Variants in CFAP46 observed in about 807,000 individuals in gnomAD.
CFAP46 encodes cilia and flagella associated protein 46.
A neutral mutation model predicts 325.7 loss-of-function variants in CFAP46; 245 were observed. The observed-to-expected ratio is 0.75, with a 90% CI of 0.68 to 0.84. The LOEUF (loss-of-function observed/expected upper bound fraction) is 0.84, where lower values mean the gene tolerates loss of function less well. Ranked by LOEUF, CFAP46 falls within the 40% of genes least tolerant of loss-of-function variation. The probability of loss-of-function intolerance (pLI) is 0.00; values close to 1 mark genes in which losing one functional copy is unlikely to be tolerated. For missense variants in CFAP46, 3,346 were observed against 3,543.0 expected (o/e 0.94, Z 1.41); for synonymous variants, 1,523 against 1,495.9 (o/e 1.02, Z -0.42).
intron 39 of CFAP46, among the ~76,000 whole-genome samples, chr10:132,856,389 A>T (rs529958719): frequency 1.3e-5 from 2 of 152,048 alleles, no homozygotes; most frequent in East Asian, 3.9e-4. Context: ...AATTTGGAAA[A>T]TTTTCAGTCA....
chr10:132,909,260 C>A lies in CFAP46; in HGVS notation c.2650-16G>T. 1.3e-6 allele frequency: 2 copies of A among 1,536,046 alleles called. No homozygotes were observed. The highest frequency in any genetic ancestry group is 1.2e-5 in the South Asian group (1 of 83,798). On this transcript the variant is annotated splice_polypyrimidine_tract_variant and intron_variant, in intron 20 of 57. Coordinates refer to ENST00000368586, the MANE Select transcript of CFAP46 (RefSeq NM_001200049.3). ...CATTGGTGCCCTGGTGGGGAGGATGCCCTGAGTGTATCAGCCCAAGCGTGC... is the reference window on the plus strand; with the variant it reads ...CATTGGTGCCCTGGTGGGGAGGATGACCTGAGTGTATCAGCCCAAGCGTGC...
chr10:132,841,179 A>G (rs934350420), intron 44 of CFAP46, among the ~76,000 whole-genome samples: 6 of 152,234 alleles, frequency 3.9e-5, no homozygotes, highest in Non-Finnish European at 7.3e-5. Context: ...CAGCAACTCA[A>G]AAGTCCGAAG....
chr10:132,877,560 C>T lies in CFAP46; in HGVS notation c.4212+321G>A, dbSNP rs761304351. The stretch of plus-strand genomic sequence containing the variant: ...TGCTCTGTGCAAACTGCGTGCATTA[C>T]GTGGCTAGCTCCAGGCCCGGGATTC... On this transcript the variant is annotated intron_variant, in intron 30 of 57. Transcript: ENST00000368586. The surrounding 1 kb of genome is among the most constrained non-coding windows in gnomAD (Gnocchi z 5.7). Among the ~76,000 whole-genome samples the T allele has an allele frequency of 1.3e-5, 2 of 152,230 alleles. No individual in the cohort carries two copies. Among genetic ancestry groups the T allele is most frequent in the Non-Finnish European group, 2.9e-5 (2 of 68,026 alleles).
In CFAP46 at chr10:132,869,140, G is replaced by T; in HGVS notation, c.4610+134C>A. 1 of 618,676 alleles carries T rather than the reference G, an allele frequency of 1.6e-6. No individual in the cohort carries two copies. The highest frequency in any genetic ancestry group is 2.5e-6 in the Non-Finnish European group (1 of 394,776). 38.3% of individuals were successfully genotyped at this position (618,676 alleles called of 1,614,324 possible). On this transcript the variant is annotated intron_variant, in intron 33 of 57. Coordinates refer to ENST00000368586, the MANE Select transcript of CFAP46 (RefSeq NM_001200049.3). The surrounding 1 kb of genome is among the most constrained non-coding windows in gnomAD (Gnocchi z 6.2). ...CGACCCAGGAGAACCGGCCACAGCC[G>T]TGTCCCCCAAGTGCTCACTCTCCCC...
At chr10:132,814,641 C>T in intron 52 of CFAP46, 29 bp from the exon 53 acceptor site, 1 of 1,581,104 alleles carries the variant, frequency 6.3e-7, no homozygotes, top group Non-Finnish European at 8.6e-7. Flanking sequence ...GAAACGGGAG[C>T]ACAGGGCGGG....
In CFAP46 at chr10:132,919,912, C is replaced by A. The variant is rs917379287; in HGVS notation, c.1730+147G>T. The A allele has an allele frequency of 2.7e-6, 3 of 1,126,426 alleles. No individual in the cohort carries two copies. The African/African-American group carries it at 4.8e-5, about 18-fold the overall frequency. The allele number at this position is 1,126,426 out of a possible 1,614,324, so 69.8% of individuals were successfully genotyped here. The stretch of plus-strand genomic sequence containing the variant: ...TGTGGCGGGACTCCCAGGCAGGGAC[C>A]TCGTCCCACCATCCTGGAGCAGGTG... On this transcript the variant is annotated intron_variant, in intron 14 of 57. Transcript: ENST00000368586. The surrounding 1 kb of genome is among the most constrained non-coding windows in gnomAD (Gnocchi z 9.7).
At chr10:132,878,188 C>T in intron 29 of CFAP46, 101 bp from the exon 30 acceptor site, 2 of 1,064,010 alleles carry the variant, frequency 1.9e-6, no homozygotes, top group Non-Finnish European at 2.8e-6. Context: ...ACCCGCGGGG[C>T]TCCCCAGACT....
rs1317880869 is a variant in CFAP46 at position 132,899,680 on chromosome 10, G to T, written c.2925-14C>A. ...CGGGACTCCTCGCTGCAGGAACAGGGCCAGTGAGGAGGGAGGCCACTGTGG... is the reference window on the plus strand; with the variant it reads ...CGGGACTCCTCGCTGCAGGAACAGGTCCAGTGAGGAGGGAGGCCACTGTGG... On this transcript the variant is annotated splice_polypyrimidine_tract_variant and intron_variant, in intron 22 of 57. Coordinates refer to ENST00000368586, the MANE Select transcript of CFAP46 (RefSeq NM_001200049.3). 1.3e-6 allele frequency: 2 copies of T among 1,543,906 alleles called. No homozygotes were observed. Among genetic ancestry groups the T allele is most frequent in the East Asian group, 2.4e-5 (1 of 40,830 alleles).
intron 24 of CFAP46, among the ~76,000 whole-genome samples, chr10:132,898,110 C>A (rs569893142): frequency 1.3e-5 from 2 of 152,344 alleles, no homozygotes; most frequent in Non-Finnish European, 2.9e-5. Context: ...CTGAGGCCAG[C>A]AGAAGAGAGC....
At chr10:132,820,625 G>A (rs1267365270) in intron 50 of CFAP46, among the ~76,000 whole-genome samples, 4 of 147,300 alleles carry the variant, frequency 2.7e-5, no homozygotes, top group Admixed American at 2.0e-4. Context: ...GTGCTGATGT[G>A]TGCTGAGTGC....
chr10:132,831,082 T>C (rs527900010), intron 50 of CFAP46, among the ~76,000 whole-genome samples: 65 of 152,354 alleles, frequency 4.3e-4, no homozygotes, highest in African/African-American at 1.5e-3. Flanking sequence ...TGTCTGGGTT[T>C]TTCCAGGCAT....
At chr10:132,921,728 G>A (rs1180766704) in intron 13 of CFAP46, among the ~76,000 whole-genome samples, 1 of 152,180 alleles carries the variant, frequency 6.6e-6, no homozygotes, top group Non-Finnish European at 1.5e-5. Context: ...CCCCAGAGGG[G>A]ATGGCCCTGT....
chr10:132,909,197 C>T lies in CFAP46; in HGVS notation c.2697G>A (p.Leu899=). Residue 899 remains leucine, a synonymous_variant, in exon 21 of 58, where the codon TTG becomes TTA. Coordinates refer to ENST00000368586, the MANE Select transcript of CFAP46 (RefSeq NM_001200049.3). ...CCAGCCCGTTGCATGAGTACATTTC[C>T]AAGGCAACGAGGACTCTGGTCACCG... The part of the protein sequence containing the change: ...VSSVTRVLVA[L]EMYSCNGLGL... 6.5e-7 allele frequency: 1 copy of T among 1,550,350 alleles called. No individual in the cohort carries two copies.
chr10:132,863,926 C>T (rs72855753), intron 35 of CFAP46, among the ~76,000 whole-genome samples: 7,781 of 147,886 alleles, frequency 0.053, 272 homozygotes, highest in Non-Finnish European at 0.076. Flanking sequence ...GACATGCACA[C>T]ACCTCTCCCT....
intron 36 of CFAP46, 47 bp from the exon 37 acceptor site, chr10:132,860,570 G>T (rs1160201918): frequency 5.0e-6 from 7 of 1,411,104 alleles, no homozygotes; most frequent in African/African-American, 2.8e-5. Flanking sequence ...GGACAGGCAG[G>T]CATGGATACA....
At chr10:132,898,752 C>T in intron 24 of CFAP46, 1 of 691,522 alleles carries the variant, frequency 1.4e-6, no homozygotes, top group Non-Finnish European at 2.6e-6. Context: ...TGGGAGAGGT[C>T]AGGTCTGAGC....
chr10:132,821,774 G>A (rs1296368494), intron 50 of CFAP46, among the ~76,000 whole-genome samples: 1 of 141,050 alleles, frequency 7.1e-6, no homozygotes, highest in Non-Finnish European at 1.5e-5. Flanking sequence ...GCTGTGTGCT[G>A]TGTGAGTGCT....
chr10:132,922,544 A>G lies in CFAP46; in HGVS notation c.1421T>C (p.Leu474Pro). ...RIQMASTRLR[L>P]CTTLYQAPER... ...AGGGGCCTGGTATAGCGTGGTGCAC[A>G]GACGCAGCCGGGTGGAGGCCATCTG... The change falls in exon 12 of 58, where the codon CTG (leucine) becomes CCG (proline). Residue 474 changes from leucine to proline, a missense_variant. By Grantham distance (98) the Leu-to-Pro change is moderately conservative. Coordinates refer to ENST00000368586, the MANE Select transcript of CFAP46 (RefSeq NM_001200049.3). 1 of 1,547,976 alleles carries G rather than the reference A, an allele frequency of 6.5e-7. No individual in the cohort carries two copies. The highest frequency in any genetic ancestry group is 8.7e-7 in the Non-Finnish European group (1 of 1,146,728).
intron 16 of CFAP46, among the ~76,000 whole-genome samples, chr10:132,917,911 C>T (rs78417875): frequency 0.097 from 14,337 of 147,096 alleles, 819 homozygotes; most frequent in Middle Eastern, 0.15. Flanking sequence ...ACCTCAGCAC[C>T]GATGAACCCC....
Sources: gnomAD v4.1 joint callset for allele counts (sites outside exome capture counted in the v4.1 genomes callset) on GRCh38, gnomAD v4.1.1 for gene constraint, Gnocchi (gnomAD v3.1) non-coding constraint, MANE v1.5 for transcripts, NCBI Gene and HGNC (gene_info 2026-07-23, HGNC 2026-07-21) for gene names.